GRIP1: variants seen among roughly 807,000 people sequenced by gnomAD.
GRIP1 encodes the protein glutamate receptor-interacting protein 1.
In GRIP1, 45 loss-of-function variants were observed where a neutral mutation model predicts 129.9. The ratio of observed to expected loss-of-function variants is 0.35; its 90% CI spans 0.27 to 0.44. The LOEUF is 0.44. Ranked by LOEUF, GRIP1 falls within the 20% of genes least tolerant of loss-of-function variation. The pLI, the probability that GRIP1 is intolerant of heterozygous loss-of-function variation, is 1.00. For missense variants in GRIP1, 1,196 were observed against 1,396.8 expected (o/e 0.86, Z 2.29); for synonymous variants, 530 against 520.8 (o/e 1.02, Z -0.24).
At chr12:66,886,156 G>C (rs1205721704) in intron 1 of GRIP1, among the ~76,000 whole-genome samples, 5 of 151,958 alleles carry the variant, frequency 3.3e-5, no homozygotes, top group Non-Finnish European at 7.4e-5. Context: ...GTCCCAGCTA[G>C]TTGGGAGGCT....
chr12:66,738,424 T>C (rs923023391), intron 1 of GRIP1, among the ~76,000 whole-genome samples: 1 of 152,068 alleles, frequency 6.6e-6, no homozygotes, highest in South Asian at 2.1e-4. Context: ...GGTTTCACCA[T>C]GTTAGCCAAG....
chr12:66,970,737 T>A (rs771217719), intron 1 of GRIP1, among the ~76,000 whole-genome samples: 6 of 152,122 alleles, frequency 3.9e-5, no homozygotes, highest in Non-Finnish European at 7.3e-5. Flanking sequence ...CATCTCAATC[T>A]TTTGGTGGGC....
intron 14 of GRIP1, among the ~76,000 whole-genome samples, chr12:66,421,457 T>C (rs1190397385): frequency 6.6e-6 from 1 of 152,098 alleles, no homozygotes; most frequent in Non-Finnish European, 1.5e-5. Context: ...GGCAGGAGAA[T>C]TGCTTTTACC....
At chr12:66,950,166 G>A (rs1592382531) in intron 1 of GRIP1, among the ~76,000 whole-genome samples, 1 of 152,134 alleles carries the variant, frequency 6.6e-6, no homozygotes, top group Non-Finnish European at 1.5e-5. Context: ...TGATCTCCCT[G>A]ACTTATAGAC....
intron 1 of GRIP1, among the ~76,000 whole-genome samples, chr12:66,729,572 C>T (rs2036364961): frequency 1.3e-5 from 2 of 152,012 alleles, no homozygotes; most frequent in South Asian, 4.2e-4. Context: ...AAGGTAAAAC[C>T]AGGATACATA....
chr12:66,759,745 G>C (rs2037411863), intron 1 of GRIP1, among the ~76,000 whole-genome samples: 1 of 139,266 alleles, frequency 7.2e-6, no homozygotes, highest in Non-Finnish European at 1.5e-5. Flanking sequence ...AATGCCGCTA[G>C]TCTCTTTGCT....
chr12:67,000,237 CAT>C (rs759263490), intron 1 of GRIP1, among the ~76,000 whole-genome samples: 2 of 152,120 alleles, frequency 1.3e-5, no homozygotes, highest in South Asian at 2.1e-4. Context: ...AGGAATACCA[CAT>C]GTGTTCAATC....
intron 7 of GRIP1, among the ~76,000 whole-genome samples, chr12:66,478,838 T>C (rs376422133): frequency 2.0e-5 from 3 of 151,968 alleles, no homozygotes; most frequent in African/African-American, 7.3e-5. Context: ...ATGAGAACAC[T>C]TGGACACAGG....
chr12:67,013,553 T>G (rs1332909578), intron 1 of GRIP1, among the ~76,000 whole-genome samples: 1 of 152,196 alleles, frequency 6.6e-6, no homozygotes, highest in African/African-American at 2.4e-5. Flanking sequence ...CAAATAGATG[T>G]GACAAATCCA....
At chr12:66,800,110 G>A (rs2038815691) in intron 1 of GRIP1, among the ~76,000 whole-genome samples, 1 of 152,050 alleles carries the variant, frequency 6.6e-6, no homozygotes, top group South Asian at 2.1e-4. Context: ...TATTAGAATA[G>A]GCAAACAACA....
intron 2 of GRIP1, among the ~76,000 whole-genome samples, chr12:66,596,493 C>T (rs1028159812): frequency 2.6e-5 from 4 of 152,158 alleles, no homozygotes; most frequent in Admixed American, 1.3e-4. Flanking sequence ...TTGTGAATCC[C>T]TTATTTCTGC....
At chr12:66,720,731 T>C (rs369495916) in intron 1 of GRIP1, among the ~76,000 whole-genome samples, 21 of 152,322 alleles carry the variant, frequency 1.4e-4, no homozygotes, top group East Asian at 1.2e-3. Flanking sequence ...ATTGCAGCAA[T>C]TAGGTCATAT....
At chr12:66,638,429 A>C (rs1349710460) in intron 1 of GRIP1, among the ~76,000 whole-genome samples, 1 of 152,214 alleles carries the variant, frequency 6.6e-6, no homozygotes, top group African/African-American at 2.4e-5. Flanking sequence ...CAATGTGAGC[A>C]GGTGAGTGTT....
chr12:66,905,699 G>A (rs552892270), intron 1 of GRIP1, among the ~76,000 whole-genome samples: 107 of 152,222 alleles, frequency 7.0e-4, no homozygotes, highest in Non-Finnish European at 1.3e-3. Context: ...TCTTATTATA[G>A]CTCATATTAA....
chr12:67,061,983 A>C (rs1413175510), intron 1 of GRIP1, among the ~76,000 whole-genome samples: 1 of 152,124 alleles, frequency 6.6e-6, no homozygotes, highest in Non-Finnish European at 1.5e-5. Flanking sequence ...TACACTCTTC[A>C]TGTTTCCGAC....
chr12:66,990,997 A>G (rs2042386444), intron 1 of GRIP1, among the ~76,000 whole-genome samples: 1 of 151,258 alleles, frequency 6.6e-6, no homozygotes, highest in East Asian at 2.0e-4. Context: ...AAAAAGAAAG[A>G]AAAAAGGACA....
At chr12:66,529,426 T>C (rs1411672206) in intron 5 of GRIP1, among the ~76,000 whole-genome samples, 1 of 152,112 alleles carries the variant, frequency 6.6e-6, no homozygotes, top group Admixed American at 6.6e-5. Flanking sequence ...AAGAAACTGG[T>C]ATACATATAC....
chr12:66,371,662 G>T, intron 23 of GRIP1, 32 bp downstream of exon 23: 3 of 1,444,016 alleles, frequency 2.1e-6, no homozygotes, highest in South Asian at 2.3e-5. Flanking sequence ...TGCCAAATTT[G>T]ACCCTAGGGA....
At chr12:66,400,157 T>C (rs2056932978) in intron 16 of GRIP1, among the ~76,000 whole-genome samples, 1 of 151,898 alleles carries the variant, frequency 6.6e-6, no homozygotes, top group Non-Finnish European at 1.5e-5. Context: ...CAAGTTTGCA[T>C]TTGACTGAGA....
Sources: allele counts gnomAD v4.1 joint callset (sites outside exome capture counted in the v4.1 genomes callset), GRCh38; gene constraint gnomAD v4.1.1; transcripts MANE v1.5; gene names NCBI Gene and HGNC (gene_info 2026-07-23, HGNC 2026-07-21).